Variants in COX7B2 observed in about 807,000 individuals in gnomAD.
COX7B2 encodes the protein cytochrome c oxidase subunit 7B2, mitochondrial.
For synonymous variants in COX7B2, 37 were observed against 32.1 expected (o/e 1.15, Z -0.51); for missense variants, 109 against 95.9 (o/e 1.14, Z -0.57).
intron 2 of COX7B2, among the ~76,000 whole-genome samples, chr4:46,804,079 G>C (rs1371001678): frequency 1.3e-5 from 2 of 152,022 alleles, no homozygotes; most frequent in African/African-American, 4.8e-5. Flanking sequence ...GGTCTCGCTG[G>C]CTCAGGAGTG....
At chr4:46,814,163 T>TAA (rs749716980) in intron 2 of COX7B2, among the ~76,000 whole-genome samples, 385 of 152,318 alleles carry the variant, frequency 2.5e-3, no homozygotes, top group Non-Finnish European at 4.2e-3. Flanking sequence ...TATTACTGGG[T>TAA]ATTTATCCAA....
chr4:46,872,928 C>T (rs768454278), intron 1 of COX7B2, among the ~76,000 whole-genome samples: 3 of 152,026 alleles, frequency 2.0e-5, no homozygotes, highest in African/African-American at 4.8e-5. Context: ...ACTCATCAAC[C>T]TGTCACCTAC....
chr4:46,770,181 T>A (rs1055059626), intron 2 of COX7B2, among the ~76,000 whole-genome samples: 4 of 152,184 alleles, frequency 2.6e-5, no homozygotes, highest in Admixed American at 2.0e-4. Flanking sequence ...AAAAATCAGT[T>A]GTGTTTCTAT....
intron 1 of COX7B2, among the ~76,000 whole-genome samples, chr4:46,864,496 A>G (rs982557829): frequency 2.6e-5 from 4 of 151,962 alleles, no homozygotes; most frequent in Admixed American, 1.3e-4. Context: ...TCATCAAAAT[A>G]TTTTTTTGTG....
intron 2 of COX7B2, among the ~76,000 whole-genome samples, chr4:46,843,659 A>C (rs186213404): frequency 9.9e-5 from 15 of 152,224 alleles, no homozygotes; most frequent in Admixed American, 9.8e-4. Flanking sequence ...AGTCTACTGC[A>C]AACAGTTCAC....
chr4:46,754,334 C>G (rs912307811), intron 2 of COX7B2, among the ~76,000 whole-genome samples: 7 of 151,150 alleles, frequency 4.6e-5, no homozygotes, highest in Non-Finnish European at 1.0e-4. Flanking sequence ...CAATGATAGA[C>G]TGGATTAAGA....
chr4:46,908,340 C>T (rs1720532133), intron 1 of COX7B2, among the ~76,000 whole-genome samples: 1 of 152,122 alleles, frequency 6.6e-6, no homozygotes. Flanking sequence ...AGCCAAGCAG[C>T]AATAATCACG....
intron 2 of COX7B2, among the ~76,000 whole-genome samples, chr4:46,763,106 A>AT (rs1460499819): frequency 2.3e-5 from 3 of 128,688 alleles, no homozygotes; most frequent in Non-Finnish European, 4.7e-5. Flanking sequence ...ATAATAAATT[A>AT]TATAATATAT....
intron 2 of COX7B2, among the ~76,000 whole-genome samples, chr4:46,837,516 G>A (rs995890979): frequency 6.6e-6 from 1 of 152,000 alleles, no homozygotes; most frequent in Non-Finnish European, 1.5e-5. Flanking sequence ...TGTTGGGAAG[G>A]TAGGAATGGG....
chr4:46,791,503 T>G (rs1718046034), intron 2 of COX7B2, among the ~76,000 whole-genome samples: 1 of 152,228 alleles, frequency 6.6e-6, no homozygotes, highest in Admixed American at 6.5e-5. Context: ...GTTGAGAGCT[T>G]CTTCTGGGCT....
rs980881813 is a variant in COX7B2, at chr4:46,768,202, C to A, written c.-49-32961G>T. 1.1e-4 allele frequency among the ~76,000 whole-genome samples: 16 copies of A among 152,182 alleles called. No homozygotes were observed. The East Asian group carries it at 3.1e-3, about 29-fold the overall frequency. ...CCCAAGAGGAATGAGGTCACATGGA[C>A]TTGAAGGATGGTGAATGCAGAGATT... On this transcript the variant is annotated intron_variant, in intron 2 of 2. Transcript: ENST00000355591.
At chr4:46,830,926 C>T (rs1028526919) in intron 2 of COX7B2, among the ~76,000 whole-genome samples, 1 of 152,208 alleles carries the variant, frequency 6.6e-6, no homozygotes, top group African/African-American at 2.4e-5. Flanking sequence ...TAGGCGTCGG[C>T]GCCCACTCTG....
rs2109721661 is a variant in COX7B2 at position 46,830,071 on chromosome 4, A to G, written c.-50+14889T>C. On this transcript the variant is annotated intron_variant, in intron 2 of 2. Transcript: ENST00000355591. ...CCGGGCGCGGTGGCTCACGCATGTA[A>G]TCCTAGCACTTTGGGAGGCCAAGGC... 2.6e-5 allele frequency among the ~76,000 whole-genome samples: 4 copies of G among 152,292 alleles called. No homozygotes were observed. In the South Asian group the frequency reaches 8.3e-4, roughly 32 times the overall value.
chr4:46,799,510 A>G (rs1238548044), intron 2 of COX7B2, among the ~76,000 whole-genome samples: 1 of 152,172 alleles, frequency 6.6e-6, no homozygotes, highest in African/African-American at 2.4e-5. Flanking sequence ...GATAGCTCTT[A>G]TTATTTCAAG....
Position 46,859,229 on chromosome 4 carries a change from A to G in COX7B2, c.-104-14215T>C, listed in dbSNP as rs138834581. ...ACCTTTCCACCCAGACCCCAGCCCTATCAAGCTACCTCTTTTCCCTTTACT... is the reference window on the plus strand; with the variant it reads ...ACCTTTCCACCCAGACCCCAGCCCTGTCAAGCTACCTCTTTTCCCTTTACT... On this transcript the variant is annotated intron_variant, in intron 1 of 2. Transcript: ENST00000355591. Among the ~76,000 whole-genome samples the G allele has an allele frequency of 4.6e-5, 7 of 152,238 alleles. No individual in the cohort carries two copies. In the East Asian group the frequency reaches 1.4e-3, roughly 29 times the overall value.
At chr4:46,798,345 T>G (rs1270614733) in intron 2 of COX7B2, among the ~76,000 whole-genome samples, 1 of 152,152 alleles carries the variant, frequency 6.6e-6, no homozygotes, top group Non-Finnish European at 1.5e-5. Context: ...TATTGTTCTA[T>G]CTCATTTACC....
At chr4:46,762,060 T>C (rs1044691495) in intron 2 of COX7B2, among the ~76,000 whole-genome samples, 2 of 151,204 alleles carry the variant, frequency 1.3e-5, no homozygotes, top group African/African-American at 4.9e-5. Context: ...GGTGCAAACT[T>C]TCCTTGTTCC....
chr4:46,778,965 T>A (rs547022303), intron 2 of COX7B2, among the ~76,000 whole-genome samples: 1 of 152,122 alleles, frequency 6.6e-6, no homozygotes, highest in East Asian at 1.9e-4. Flanking sequence ...ATAAAACAAA[T>A]GTTAGTTGTT....
chr4:46,755,572 G>A (rs1490334123), intron 2 of COX7B2, among the ~76,000 whole-genome samples: 1 of 151,886 alleles, frequency 6.6e-6, no homozygotes, highest in African/African-American at 2.4e-5. Flanking sequence ...AAATCCTAAT[G>A]ACTCCACCAA....
Sources: allele counts gnomAD v4.1 joint callset (sites outside exome capture counted in the v4.1 genomes callset), GRCh38; gene constraint gnomAD v4.1.1; transcripts MANE v1.5; gene names NCBI Gene and HGNC (gene_info 2026-07-23, HGNC 2026-07-21).